FER: variants seen among roughly 807,000 people sequenced by gnomAD.
FER encodes the protein FER tyrosine kinase.
In FER, 63 loss-of-function variants were observed where a neutral mutation model predicts 111.0. The ratio of observed to expected loss-of-function variants is 0.57; its 90% confidence interval spans 0.46 to 0.70. The LOEUF (loss-of-function observed/expected upper bound fraction) is 0.70, where lower values mean the gene tolerates loss of function less well. Ranked by LOEUF, FER falls within the 30% of genes least tolerant of loss-of-function variation. The probability of loss-of-function intolerance (pLI) is 0.00; values close to 1 mark genes in which losing one functional copy is unlikely to be tolerated. For synonymous variants in FER, 327 were observed against 313.9 expected, an observed-to-expected ratio of 1.04 and a Z score of -0.44; for missense variants, 914 against 954.0, an observed-to-expected ratio of 0.96 and a Z score of 0.55.
chr5:109,017,628 A>G (rs1421303646), intron 13 of FER, among the ~76,000 whole-genome samples: 2 of 151,982 alleles, frequency 1.3e-5, no homozygotes, highest in Non-Finnish European at 2.9e-5. Context: ...CCAAATCAAA[A>G]TAAAATTCAT....
At chr5:108,895,615 A>ACACTCC (rs1286378349) in intron 9 of FER, among the ~76,000 whole-genome samples, 1 of 152,104 alleles carries the variant, frequency 6.6e-6, no homozygotes, top group Non-Finnish European at 1.5e-5. Flanking sequence ...TCTTGTAAGT[A>ACACTCC]TTCTTATGAT....
At chr5:109,168,502 C>G (rs1184319127) in intron 17 of FER, among the ~76,000 whole-genome samples, 2 of 152,032 alleles carry the variant, frequency 1.3e-5, no homozygotes, top group Admixed American at 6.6e-5. Flanking sequence ...CATAAAAACC[C>G]AAAAGGACAG....
chr5:108,751,501 T>C (rs879310934), intron 1 of FER, among the ~76,000 whole-genome samples: 3 of 152,198 alleles, frequency 2.0e-5, no homozygotes, highest in South Asian at 4.1e-4. Flanking sequence ...TGCTTCAAAA[T>C]TGGACTCCTG....
rs544623578 is a variant in FER, at chr5:109,053,691, A to ATTTTTT, written c.1924+6507_1924+6512dup. ...TCTTTTTATTGCTGAGTGGAGTTCTATTTTTTTTTTTTTTTTTTTGAGACG... is the reference window on the plus strand; with the variant it reads ...TCTTTTTATTGCTGAGTGGAGTTCTATTTTTTTTTTTTTTTTTTTTTTTTTGAGACG... On this transcript the variant is annotated intron_variant, in intron 16 of 19. Coordinates refer to ENST00000281092, the MANE Select transcript of FER (RefSeq NM_005246.4). 8.4e-5 allele frequency among the ~76,000 whole-genome samples: 10 copies of ATTTTTT among 119,386 alleles called. 1 individual carries two copies. The highest frequency in any genetic ancestry group is 1.5e-4 in the Non-Finnish European group (9 of 58,898). The allele number at this position is 119,386 out of a possible 152,430, so 78.3% of individuals were successfully genotyped here.
rs1274398088 is a variant in FER, at chr5:109,191,919, T to C, written c.*4344T>C. ...TGCTACACTCTTAGAGTCCCAAAAA[T>C]TCCCCTTTAAAAAAAATGCTGTCCT... On this transcript the variant is annotated 3_prime_UTR_variant, in exon 20 of 20. Transcript: ENST00000281092. 6.6e-6 allele frequency: 1 copy of C among 152,172 alleles called. No individual in the cohort carries two copies. The highest frequency in any genetic ancestry group is 3.4e-3 in the Middle Eastern group (1 of 294). 9.4% of individuals were successfully genotyped at this position (152,172 alleles called of 1,614,324 possible).
At chr5:109,059,217 A>G (rs1774056483) in intron 16 of FER, among the ~76,000 whole-genome samples, 1 of 152,188 alleles carries the variant, frequency 6.6e-6, no homozygotes, top group African/African-American at 2.4e-5. Flanking sequence ...AGTCCCTTGA[A>G]TGAATTTCCA....
intron 5 of FER, among the ~76,000 whole-genome samples, chr5:108,845,191 A>G (rs930090598): frequency 1.3e-5 from 2 of 148,890 alleles, no homozygotes; most frequent in Non-Finnish European, 3.0e-5. Flanking sequence ...TGTTTTTTTT[A>G]CATGGTGTCT....
intron 5 of FER, among the ~76,000 whole-genome samples, chr5:108,838,671 C>T (rs115708619): frequency 2.0e-5 from 3 of 152,088 alleles, no homozygotes; most frequent in East Asian, 3.9e-4. Flanking sequence ...AAGGAACACT[C>T]GTTTATGTTT....
At chr5:108,991,958 A>C (rs530714927) in intron 13 of FER, among the ~76,000 whole-genome samples, 10 of 151,604 alleles carry the variant, frequency 6.6e-5, no homozygotes, top group African/African-American at 2.4e-4. Flanking sequence ...ACAATAGTGG[A>C]GGGAAGGTCA....
rs1276332671 is a variant in FER, at chr5:109,089,253, A to T, written c.1925-11143A>T. On this transcript the variant is annotated intron_variant, in intron 16 of 19. Coordinates refer to ENST00000281092, the MANE Select transcript of FER (RefSeq NM_005246.4). ...CAGCTTTCTCTTTGAGAATTTTTTT[A>T]AAATAGTACTGTTGAACCCTGGTAG... Among the ~76,000 whole-genome samples, 4 of 152,150 alleles carry T rather than the reference A, an allele frequency of 2.6e-5. No homozygotes were observed. The East Asian group carries it at 7.7e-4, about 29-fold the overall frequency.
At chr5:108,844,983 G>GGTGT (rs147584034) in intron 5 of FER, among the ~76,000 whole-genome samples, 6 of 54,940 alleles carry the variant, frequency 1.1e-4, no homozygotes, top group East Asian at 1.1e-3. Flanking sequence ...GTTCATTGCT[G>GGTGT]GTGTGTGTGT....
chr5:109,147,796 TATATAGAGAGAGAGAG>T (rs1169327916), intron 17 of FER, among the ~76,000 whole-genome samples: 2 of 117,984 alleles, frequency 1.7e-5, no homozygotes, highest in East Asian at 2.4e-4. Context: ...TATATATATA[TATATAGAGAGAGAGAG>T]AGAGAGAGAG....
intron 17 of FER, among the ~76,000 whole-genome samples, chr5:109,178,857 G>T (rs560304054): frequency 1.6e-4 from 24 of 152,194 alleles, no homozygotes; most frequent in African/African-American, 5.5e-4. Flanking sequence ...AGAAATTTTG[G>T]TTGTGAGTGC....
intron 10 of FER, among the ~76,000 whole-genome samples, chr5:108,912,034 T>C (rs1259056788): frequency 6.6e-5 from 10 of 152,098 alleles, no homozygotes; most frequent in Non-Finnish European, 1.5e-4. Context: ...TTATAAGGGG[T>C]TTCCTCTTTT....
intron 13 of FER, among the ~76,000 whole-genome samples, chr5:108,989,857 T>A (rs1267712975): frequency 1.3e-5 from 2 of 151,958 alleles, no homozygotes; most frequent in Admixed American, 1.3e-4. Context: ...AGCTAGACAT[T>A]TAATGCATTT....
intron 12 of FER, among the ~76,000 whole-genome samples, chr5:108,958,911 A>G (rs1758782281): frequency 1.3e-5 from 2 of 151,876 alleles, no homozygotes; most frequent in Non-Finnish European, 2.9e-5. Flanking sequence ...TCCTTTGGTT[A>G]GCATTTTAGC....
chr5:109,129,432 T>C (rs1752110791), intron 17 of FER, among the ~76,000 whole-genome samples: 1 of 152,052 alleles, frequency 6.6e-6, no homozygotes, highest in Admixed American at 6.6e-5. Flanking sequence ...TGAAGTCCTG[T>C]ATCATATAGT....
chr5:108,852,007 T>C (rs1394906595), intron 5 of FER, among the ~76,000 whole-genome samples: 1 of 152,240 alleles, frequency 6.6e-6, no homozygotes, highest in Non-Finnish European at 1.5e-5. Flanking sequence ...CCCTCTTTTA[T>C]CACACAAGTG....
chr5:109,119,817 A>G lies in FER; in HGVS notation c.2048+19298A>G, dbSNP rs181756025. Among the ~76,000 whole-genome samples the G allele has an allele frequency of 3.9e-5, 6 of 152,082 alleles. No individual in the cohort carries two copies. The East Asian group carries it at 1.2e-3, about 29-fold the overall frequency. On this transcript the variant is annotated intron_variant, in intron 17 of 19. Transcript: ENST00000281092. ...TGTCTTTTAGATAGAAATCATTTCA[A>G]CTGGGGTAAAATGACATCTCATTTT...
Sources: gnomAD v4.1 joint callset for allele counts (sites outside exome capture counted in the v4.1 genomes callset) on GRCh38, gnomAD v4.1.1 for gene constraint, MANE v1.5 for transcripts, NCBI Gene and HGNC (gene_info 2026-07-23, HGNC 2026-07-21) for gene names.